SFSWAP: variants seen among roughly 807,000 people sequenced by gnomAD.
SFSWAP encodes the protein splicing factor, suppressor of white-apricot homolog.
In SFSWAP, 17 loss-of-function variants were observed where a neutral mutation model predicts 100.7. That is an observed-to-expected ratio of 0.17 (90% confidence interval 0.12 to 0.25). SFSWAP has a LOEUF of 0.25. Among genes scored for constraint, SFSWAP ranks in the 10% least tolerant of loss-of-function variants. The pLI, the probability that SFSWAP is intolerant of heterozygous loss-of-function variation, is 1.00. For missense variants in SFSWAP, 1,005 were observed against 1,262.6 expected (o/e 0.80, Z 3.09); for synonymous variants, 504 against 510.1 (o/e 0.99, Z 0.16).
At chr12:131,736,252 A>G (rs1018569086) in intron 7 of SFSWAP, among the ~76,000 whole-genome samples, 14 of 152,240 alleles carry the variant, frequency 9.2e-5, no homozygotes, top group African/African-American at 3.1e-4. Context: ...TATTTGGAAA[A>G]CATCACATAA....
intron 15 of SFSWAP, among the ~76,000 whole-genome samples, chr12:131,793,909 C>T (rs1593197785): frequency 6.6e-6 from 1 of 151,834 alleles, no homozygotes; most frequent in East Asian, 2.0e-4. Context: ...AGGACGGGCT[C>T]GGGGGAGAGT....
At position 131,799,491 on chromosome 12, in the gene SFSWAP, C is replaced by T. The variant is rs758788104; in HGVS notation, c.*3C>T. 9 of 1,613,526 alleles carry T rather than the reference C, an allele frequency of 5.6e-6. No individual in the cohort carries two copies. The highest frequency in any genetic ancestry group is 5.0e-5 in the Admixed American group (3 of 59,964). On this transcript the variant is annotated 3_prime_UTR_variant, in exon 18 of 18. Transcript: ENST00000261674. ...ACCTGCAAACCAGCGCTTCCTGAGA[C>T]GGGGCCAGCGGAGGCAGAGCCGGGA... is the stretch of plus-strand genomic sequence containing the variant.
Position 131,711,654 on chromosome 12 carries a change from G to C in SFSWAP, c.218+207G>C. The C allele has an allele frequency of 1.8e-6, 1 of 567,426 alleles. No homozygotes were observed. Among genetic ancestry groups the C allele is most frequent in the South Asian group, 2.1e-5 (1 of 47,318 alleles). The allele number at this position is 567,426 out of a possible 1,614,324, so 35.1% of individuals were successfully genotyped here. On this transcript the variant is annotated intron_variant, in intron 1 of 17. Transcript: ENST00000261674. This position sits in a 1 kb window ranked among gnomAD's most constrained non-coding sequence, Gnocchi z 4.9. ...GCCCTAAGGCACTGGCTGGAATTGCGTGCCGCGTCCGTCTCCGGAGGGATC... is the reference window on the plus strand; with the variant it reads ...GCCCTAAGGCACTGGCTGGAATTGCCTGCCGCGTCCGTCTCCGGAGGGATC...
At chr12:131,788,127 A>C (rs1042711965) in intron 15 of SFSWAP, among the ~76,000 whole-genome samples, 2 of 152,266 alleles carry the variant, frequency 1.3e-5, no homozygotes, top group Admixed American at 1.3e-4. Flanking sequence ...CCGTCTCAAC[A>C]GAAGAGGCCT....
chr12:131,711,712 A>C lies in SFSWAP; in HGVS notation c.218+265A>C. 1 of 444,128 alleles carries C rather than the reference A, an allele frequency of 2.3e-6. No homozygotes were observed. The highest frequency in any genetic ancestry group is 4.1e-6 in the Non-Finnish European group (1 of 244,218). The allele number at this position is 444,128 out of a possible 1,614,324, so 27.5% of individuals were successfully genotyped here. A position where few individuals can be genotyped will look rare whatever the true frequency, so the allele number is the denominator to read the frequency against. On this transcript the variant is annotated intron_variant, in intron 1 of 17. Coordinates refer to ENST00000261674, the MANE Select transcript of SFSWAP (RefSeq NM_004592.4). This position sits in a 1 kb window ranked among gnomAD's most constrained non-coding sequence, Gnocchi z 4.9. Reference sequence around the variant, plus strand: ...GTCCCGCAGCCCCTCTCGACCCCTCACCCTGTCGCTGGGCTGCAGTTGGCG... The same window carrying C: ...GTCCCGCAGCCCCTCTCGACCCCTCCCCCTGTCGCTGGGCTGCAGTTGGCG...
chr12:131,755,124 T>TA (rs1272684690), intron 9 of SFSWAP, among the ~76,000 whole-genome samples: 2 of 152,180 alleles, frequency 1.3e-5, no homozygotes, highest in Non-Finnish European at 2.9e-5. Flanking sequence ...CCCTTCTTTT[T>TA]AAAAACCAAG....
At position 131,728,279 on chromosome 12, in the gene SFSWAP, TTC is replaced by T. The variant is rs779995526; in HGVS notation, c.946-10_946-9del. ...GAATATTGAATGCTAAGGCTGTGTC[TTC>T]TCTGTTTCCAGCCCTTGAAGGTAGT... On this transcript the variant is annotated splice_polypyrimidine_tract_variant and intron_variant, in intron 6 of 17. Transcript: ENST00000261674. 1.9e-6 allele frequency: 3 copies of T among 1,614,154 alleles called. No homozygotes were observed. The highest frequency in any genetic ancestry group is 2.2e-5 in the East Asian group (1 of 44,894).
rs1212644959 is a variant in SFSWAP at position 131,755,375 on chromosome 12, T to C, written c.1455-11T>C. The C allele has an allele frequency of 1.2e-6, 2 of 1,608,506 alleles. No homozygotes were observed. Among genetic ancestry groups the C allele is most frequent in the South Asian group, 2.2e-5 (2 of 90,914 alleles). ...TGGTAAATGACCCATTTTCTTTCTT[T>C]TTCTGCTCAGATTTGAGTTCCTGCA... On this transcript the variant is annotated splice_polypyrimidine_tract_variant and intron_variant, in intron 9 of 17. Coordinates refer to ENST00000261674, the MANE Select transcript of SFSWAP (RefSeq NM_004592.4).
rs1566067842 is a variant in SFSWAP at position 131,799,409 on chromosome 12, C to CT, written c.2791-13dup. 1 of 1,613,820 alleles carries CT rather than the reference C, an allele frequency of 6.2e-7. No individual in the cohort carries two copies. The highest frequency in any genetic ancestry group is 1.7e-5 in the Admixed American group (1 of 60,030). ...GGTCTTCACAGGTTCTCCTCTGTGTCTCGCCCTGCACAGGATCTCATGGCC... is the reference window on the plus strand; with the variant it reads ...GGTCTTCACAGGTTCTCCTCTGTGTCTTCGCCCTGCACAGGATCTCATGGCC... On this transcript the variant is annotated splice_polypyrimidine_tract_variant and intron_variant, in intron 17 of 17. Coordinates refer to ENST00000261674, the MANE Select transcript of SFSWAP (RefSeq NM_004592.4).
chr12:131,725,598 T>G lies in SFSWAP; in HGVS notation c.800T>G (p.Val267Gly). 1 of 1,613,978 alleles carries G rather than the reference T, an allele frequency of 6.2e-7. No homozygotes were observed. Among genetic ancestry groups the G allele is most frequent in the Non-Finnish European group, 8.5e-7 (1 of 1,179,990 alleles). ...GCCATGAAAGAGGGACGCTACACTG[T>G]CCTGGCAGAAAACAAAAGTGACGAG... ...QKAMKEGRYT[V>G]LAENKSDEKK... The change falls in exon 5 of 18, where the codon GTC (valine) becomes GGC (glycine). Residue 267 changes from valine (V) to glycine (G), a missense_variant. Physicochemically the swap from Val to Gly is moderately radical, Grantham distance 109. This residue lies in a region of SFSWAP where 54 missense variants were observed against 51.9 expected (regional missense o/e 1.04). Coordinates refer to ENST00000261674, the MANE Select transcript of SFSWAP (RefSeq NM_004592.4). This position sits in a 1 kb window ranked among gnomAD's most constrained non-coding sequence, Gnocchi z 4.3.
chr12:131,791,960 G>A (rs1885261181), intron 15 of SFSWAP, among the ~76,000 whole-genome samples: 1 of 152,026 alleles, frequency 6.6e-6, no homozygotes, highest in East Asian at 1.9e-4. Flanking sequence ...GTGCACACGT[G>A]TGTGTTCACT....
At chr12:131,728,486 T>A (rs1409228423) in intron 7 of SFSWAP, 58 bp downstream of exon 7, 1 of 1,573,148 alleles carries the variant, frequency 6.4e-7, no homozygotes, top group African/African-American at 1.3e-5. Context: ...CAGAGCCAGC[T>A]ACAGGGCTCT....
intron 4 of SFSWAP, among the ~76,000 whole-genome samples, chr12:131,720,961 C>T (rs1878418733): frequency 6.6e-6 from 1 of 152,168 alleles, no homozygotes; most frequent in Admixed American, 6.5e-5. Flanking sequence ...CACGATTCTG[C>T]AGGCTGTACA....
intron 7 of SFSWAP, among the ~76,000 whole-genome samples, chr12:131,736,695 G>T (rs956217948): frequency 6.6e-6 from 1 of 152,060 alleles, no homozygotes; most frequent in African/African-American, 2.4e-5. Flanking sequence ...GCACTCATAG[G>T]CATACAGAAC....
intron 13 of SFSWAP, among the ~76,000 whole-genome samples, chr12:131,777,074 C>CTAA (rs1288023265): frequency 2.0e-5 from 3 of 152,186 alleles, no homozygotes; most frequent in Non-Finnish European, 4.4e-5. Flanking sequence ...ATTTAAAAAC[C>CTAA]TAACATCGGA....
At chr12:131,755,318 C>A in intron 9 of SFSWAP, 68 bp from the exon 10 acceptor site, 1 of 1,070,056 alleles carries the variant, frequency 9.3e-7, no homozygotes, top group Non-Finnish European at 1.4e-6. Context: ...GCTAGGAGAA[C>A]AGGGCCTGTT....
intron 12 of SFSWAP, among the ~76,000 whole-genome samples, chr12:131,765,509 G>C (rs1012319226): frequency 6.6e-6 from 1 of 152,150 alleles, no homozygotes; most frequent in Non-Finnish European, 1.5e-5. Context: ...TTAGCCGGGC[G>C]TGGTGGCACA....
chr12:131,763,770 A>G (rs1270006119), intron 11 of SFSWAP, among the ~76,000 whole-genome samples: 1 of 152,076 alleles, frequency 6.6e-6, no homozygotes, highest in Non-Finnish European at 1.5e-5. Flanking sequence ...GTGGAGTCAC[A>G]TCATATGCCT....
At chr12:131,761,911 T>C (rs1882709072) in intron 11 of SFSWAP, among the ~76,000 whole-genome samples, 1 of 152,132 alleles carries the variant, frequency 6.6e-6, no homozygotes. Flanking sequence ...CTGTGTGCCA[T>C]AGGCCACTCT....
Sources: allele counts gnomAD v4.1 joint callset (sites outside exome capture counted in the v4.1 genomes callset), GRCh38; gene constraint gnomAD v4.1.1; regional missense constraint gnomAD v4.1.1; non-coding constraint Gnocchi (gnomAD v3.1); transcripts MANE v1.5; gene names NCBI Gene and HGNC (gene_info 2026-07-23, HGNC 2026-07-21).